ADGRL3: variants seen among roughly 807,000 people sequenced by gnomAD.
ADGRL3 encodes calcium-independent alpha-latrotoxin receptor 3.
A neutral mutation model predicts 153.5 loss-of-function variants in ADGRL3; 62 were observed. The observed-to-expected ratio is 0.40, with a 90% CI of 0.33 to 0.50. The LOEUF is 0.50. ADGRL3 is among the 20% of genes least tolerant of loss of function. The pLI is 0.47. For missense variants in ADGRL3, 1,641 were observed against 1,859.4 expected, an observed-to-expected ratio of 0.88 and a Z score of 2.16; for synonymous variants, 710 against 672.5, an observed-to-expected ratio of 1.06 and a Z score of -0.86.
chr4:61,574,442 A>G (rs1356081759), intron 4 of ADGRL3, among the ~76,000 whole-genome samples: 1 of 151,944 alleles, frequency 6.6e-6, no homozygotes. Context: ...TGCCTTCTGA[A>G]CTTACAGTCT....
At chr4:61,723,750 C>T (rs2096280027) in intron 6 of ADGRL3, among the ~76,000 whole-genome samples, 1 of 152,118 alleles carries the variant, frequency 6.6e-6, no homozygotes, top group Non-Finnish European at 1.5e-5. Context: ...TATTTCCCAG[C>T]ATTTGCATAT....
chr4:61,499,799 A>G (rs1036320930), intron 3 of ADGRL3, among the ~76,000 whole-genome samples: 15 of 152,290 alleles, frequency 9.8e-5, no homozygotes, highest in Non-Finnish European at 2.1e-4. Flanking sequence ...TACCTTTGTT[A>G]GAGAAAATTA....
At chr4:61,454,346 T>C (rs2097709443) in intron 2 of ADGRL3, among the ~76,000 whole-genome samples, 1 of 152,192 alleles carries the variant, frequency 6.6e-6, no homozygotes, top group African/African-American at 2.4e-5. Context: ...GGCTTGTTTT[T>C]TATTCCTACC....
At chr4:61,818,410 G>A (rs1207838069) in intron 9 of ADGRL3, among the ~76,000 whole-genome samples, 1 of 152,172 alleles carries the variant, frequency 6.6e-6, no homozygotes, top group East Asian at 1.9e-4. Flanking sequence ...TTTATGAGCT[G>A]GCATTGAGCA....
chr4:61,934,134 C>T (rs945462044), intron 13 of ADGRL3, among the ~76,000 whole-genome samples: 2 of 152,116 alleles, frequency 1.3e-5, no homozygotes, highest in African/African-American at 4.8e-5. Context: ...TGCTTTGTAT[C>T]TATGTGTGGG....
chr4:61,989,401 G>A (rs910662039), intron 19 of ADGRL3, among the ~76,000 whole-genome samples: 5 of 152,006 alleles, frequency 3.3e-5, no homozygotes, highest in African/African-American at 1.2e-4. Flanking sequence ...TTTGACTATA[G>A]CTTGGCCAGT....
At chr4:61,221,082 C>A (rs1246350186) in intron 1 of ADGRL3, among the ~76,000 whole-genome samples, 1 of 152,092 alleles carries the variant, frequency 6.6e-6, no homozygotes, top group Non-Finnish European at 1.5e-5. Flanking sequence ...GTCACTATTG[C>A]AAAGAATTAC....
intron 14 of ADGRL3, 110 bp from the exon 15 acceptor site, chr4:61,935,813 A>T: frequency 1.0e-6 from 1 of 970,178 alleles, no homozygotes; most frequent in Non-Finnish European, 1.5e-6. Context: ...CATGACAAAT[A>T]GAATAAGAAT....
intron 3 of ADGRL3, among the ~76,000 whole-genome samples, chr4:61,498,987 T>A (rs970222811): frequency 7.9e-5 from 12 of 152,334 alleles, no homozygotes; most frequent in Non-Finnish European, 1.5e-4. Context: ...ACAGCTGTAT[T>A]TGCCACTGCT....
intron 8 of ADGRL3, among the ~76,000 whole-genome samples, chr4:61,753,079 TAGTC>T (rs1283744635): frequency 6.6e-6 from 1 of 152,054 alleles, no homozygotes; most frequent in Non-Finnish European, 1.5e-5. Flanking sequence ...CCCATTGAAA[TAGTC>T]TGTCAGTCCT....
intron 8 of ADGRL3, among the ~76,000 whole-genome samples, chr4:61,782,688 C>T (rs1468203403): frequency 2.0e-5 from 3 of 152,046 alleles, no homozygotes; most frequent in African/African-American, 7.2e-5. Flanking sequence ...AAAATGGAAG[C>T]TTACTTTAAC....
At chr4:61,945,896 C>G (rs1282368687) in intron 15 of ADGRL3, among the ~76,000 whole-genome samples, 1 of 152,184 alleles carries the variant, frequency 6.6e-6, no homozygotes, top group Non-Finnish European at 1.5e-5. Flanking sequence ...CACCCGTCTT[C>G]TGCGTCGCTC....
chr4:61,202,883 G>A lies in ADGRL3; in HGVS notation c.-240+1118G>A, dbSNP rs1392119540. On this transcript the variant is annotated intron_variant, in intron 1 of 26. Transcript: ENST00000683033. This position sits in a 1 kb window ranked among gnomAD's most constrained non-coding sequence, Gnocchi z 5.0. Reference sequence around the variant, plus strand: ...CCAGGGACGGCAGAGAGATATTTGCGGGGATGCCGGAGCTGATGCTGCTGG... The same window carrying A: ...CCAGGGACGGCAGAGAGATATTTGCAGGGATGCCGGAGCTGATGCTGCTGG... 6.6e-6 allele frequency among the ~76,000 whole-genome samples: 1 copy of A among 152,162 alleles called. No individual in the cohort carries two copies. Among genetic ancestry groups the A allele is most frequent in the Non-Finnish European group, 1.5e-5 (1 of 68,036 alleles).
chr4:61,395,429 A>T (rs919788451), intron 2 of ADGRL3, among the ~76,000 whole-genome samples: 2 of 151,992 alleles, frequency 1.3e-5, no homozygotes, highest in Non-Finnish European at 2.9e-5. Context: ...GAATTAATGG[A>T]GTCTTCACCA....
At chr4:61,348,800 A>T (rs564857713) in intron 1 of ADGRL3, among the ~76,000 whole-genome samples, 1 of 152,122 alleles carries the variant, frequency 6.6e-6, no homozygotes, top group East Asian at 1.9e-4. Context: ...GCCTTTTAAT[A>T]TTTAGTGGTT....
intron 2 of ADGRL3, among the ~76,000 whole-genome samples, chr4:61,436,341 A>T (rs2152441537): frequency 6.6e-6 from 1 of 152,318 alleles, no homozygotes; most frequent in South Asian, 2.1e-4. Context: ...TTCTTAACTT[A>T]CATTTTGGAC....
chr4:61,686,338 A>C (rs2095442865), intron 6 of ADGRL3, among the ~76,000 whole-genome samples: 1 of 152,156 alleles, frequency 6.6e-6, no homozygotes, highest in African/African-American at 2.4e-5. Flanking sequence ...CTATGAAGTA[A>C]ATTTCCAGAT....
intron 21 of ADGRL3, among the ~76,000 whole-genome samples, chr4:62,013,121 G>C (rs1003983789): frequency 1.6e-4 from 25 of 152,322 alleles, no homozygotes; most frequent in African/African-American, 6.0e-4. Flanking sequence ...ATTCAGCTGA[G>C]GGAGTTGTGA....
chr4:62,005,105 T>C (rs2099153156), intron 21 of ADGRL3, among the ~76,000 whole-genome samples: 1 of 152,182 alleles, frequency 6.6e-6, no homozygotes, highest in Non-Finnish European at 1.5e-5. Flanking sequence ...ATTGCCTTAA[T>C]TTTAGCATTT....
Sources: allele counts gnomAD v4.1 joint callset (sites outside exome capture counted in the v4.1 genomes callset), GRCh38; gene constraint gnomAD v4.1.1; non-coding constraint Gnocchi (gnomAD v3.1); transcripts MANE v1.5; gene names NCBI Gene and HGNC (gene_info 2026-07-23, HGNC 2026-07-21).